Variants in ZNF608 observed in about 807,000 individuals in gnomAD.
The protein encoded by ZNF608 is zinc finger protein 608.
In ZNF608, 12 loss-of-function variants were observed where a neutral mutation model predicts 109.0. The ratio of observed to expected loss-of-function variants is 0.11; its 90% CI spans 0.07 to 0.18. The LOEUF (loss-of-function observed/expected upper bound fraction) is 0.18, where lower values mean the gene tolerates loss of function less well. ZNF608 is among the 10% of genes least tolerant of loss of function. The pLI, the probability that ZNF608 is intolerant of heterozygous loss-of-function variation, is 1.00. For synonymous variants in ZNF608, 732 were observed against 717.4 expected (o/e 1.02, Z -0.33); for missense variants, 1,707 against 1,879.3 (o/e 0.91, Z 1.70).
At chr5:124,706,131 C>T (rs1321656840) in intron 2 of ZNF608, among the ~76,000 whole-genome samples, 1 of 152,148 alleles carries the variant, frequency 6.6e-6, no homozygotes, top group Non-Finnish European at 1.5e-5. Flanking sequence ...CAAAAAGTAG[C>T]GTGTTAATGG....
intron 2 of ZNF608, among the ~76,000 whole-genome samples, chr5:124,716,160 A>G (rs1005108878): frequency 1.9e-4 from 29 of 150,996 alleles, no homozygotes; most frequent in East Asian, 1.5e-3. Flanking sequence ...AAAAAAAAAA[A>G]AAAGAAAAGA....
At chr5:124,658,527 G>A (rs965074063) in intron 3 of ZNF608, among the ~76,000 whole-genome samples, 1 of 152,192 alleles carries the variant, frequency 6.6e-6, no homozygotes, top group South Asian at 2.1e-4. Flanking sequence ...GCATCACTCT[G>A]ATTTCTAATG....
intron 2 of ZNF608, among the ~76,000 whole-genome samples, chr5:124,705,510 T>C (rs2149856865): frequency 6.6e-6 from 1 of 152,314 alleles, no homozygotes; most frequent in African/African-American, 2.4e-5. Flanking sequence ...CAGTAAACAC[T>C]GGCTTAAAAG....
At chr5:124,733,212 T>G (rs1490736646) in intron 2 of ZNF608, among the ~76,000 whole-genome samples, 9 of 141,832 alleles carry the variant, frequency 6.3e-5, no homozygotes, top group Non-Finnish European at 1.2e-4. Context: ...TCTCTATCTC[T>G]CTCTCTTTTT....
chr5:124,661,437 C>T (rs1004720962), intron 3 of ZNF608, among the ~76,000 whole-genome samples: 4 of 151,586 alleles, frequency 2.6e-5, no homozygotes, highest in East Asian at 3.9e-4. Context: ...GGCTGCCTTC[C>T]CACCCTCCCC....
intron 3 of ZNF608, among the ~76,000 whole-genome samples, chr5:124,679,507 G>A (rs1752103645): frequency 6.7e-6 from 1 of 148,608 alleles, no homozygotes; most frequent in African/African-American, 2.5e-5. Context: ...AACAGCCAAT[G>A]TGCTGGGCAC....
At chr5:124,659,247 C>G (rs1751147397) in intron 3 of ZNF608, among the ~76,000 whole-genome samples, 1 of 151,982 alleles carries the variant, frequency 6.6e-6, no homozygotes, top group East Asian at 1.9e-4. Flanking sequence ...GAACAGCAAG[C>G]CAGACAAAAA....
intron 2 of ZNF608, among the ~76,000 whole-genome samples, chr5:124,724,304 A>T (rs1754052062): frequency 6.6e-6 from 1 of 152,104 alleles, no homozygotes; most frequent in East Asian, 1.9e-4. Context: ...TCTGGGGGGC[A>T]TAAGGGGGAA....
chr5:124,733,275 G>T (rs1748991826), intron 2 of ZNF608, among the ~76,000 whole-genome samples: 1 of 134,672 alleles, frequency 7.4e-6, no homozygotes, highest in Admixed American at 8.2e-5. Context: ...AGACTTCTAG[G>T]TTCTTCCATT....
intron 8 of ZNF608, among the ~76,000 whole-genome samples, chr5:124,640,093 T>A (rs1385213568): frequency 5.5e-4 from 83 of 152,132 alleles, no homozygotes; most frequent in Admixed American, 5.3e-3. Flanking sequence ...CTAGATGACA[T>A]CAACTAAAAA....
chr5:124,744,279 G>T lies in ZNF608; in HGVS notation c.711C>A (p.Gly237=), dbSNP rs1181255914. The change falls in exon 2 of 10, where the codon GGC becomes GGA. Residue 237 remains glycine (G), a synonymous_variant. Coordinates refer to ENST00000513986, the MANE Select transcript of ZNF608 (RefSeq NM_020747.3). This position sits in a 1 kb window ranked among gnomAD's most constrained non-coding sequence, Gnocchi z 4.5. The part of the protein sequence containing the change: ...SQAPSGGHLY[G]FGAKSNGGGA... ...CACCTCCATTGCTCTTGGCCCCAAA[G>T]CCATAGAGGTGCCCCCCGGAAGGGG... 3.7e-6 allele frequency: 6 copies of T among 1,613,846 alleles called. No homozygotes were observed. Among genetic ancestry groups the T allele is most frequent in the Non-Finnish European group, 5.1e-6 (6 of 1,179,982 alleles).
rs151074865 is a variant in ZNF608, at chr5:124,666,678, C to G, written c.1163-16981G>C. ...CTCAATGTGACTACTTTTATCACAA[C>G]TCAAATATCAAAATACAAACTGGGT... On this transcript the variant is annotated intron_variant, in intron 3 of 9. Transcript: ENST00000513986. Among the ~76,000 whole-genome samples, 102 of 151,026 alleles carry G rather than the reference C, an allele frequency of 6.8e-4. 1 individual carries two copies. Among genetic ancestry groups the G allele is most frequent in the African/African-American group, 2.3e-3 (93 of 41,056 alleles).
At chr5:124,654,031 T>C (rs527517107) in intron 3 of ZNF608, among the ~76,000 whole-genome samples, 1 of 152,270 alleles carries the variant, frequency 6.6e-6, no homozygotes, top group African/African-American at 2.4e-5. Context: ...AAGTTGTTCC[T>C]TGTGTTAAAC....
chr5:124,731,921 C>T (rs962560271), intron 2 of ZNF608, among the ~76,000 whole-genome samples: 1 of 152,140 alleles, frequency 6.6e-6, no homozygotes, highest in Non-Finnish European at 1.5e-5. Flanking sequence ...AGGAAAGAAT[C>T]AGGAATGAGC....
chr5:124,661,182 G>A (rs932504636), intron 3 of ZNF608, among the ~76,000 whole-genome samples: 2 of 152,162 alleles, frequency 1.3e-5, no homozygotes, highest in Non-Finnish European at 2.9e-5. Context: ...CTAAATCACT[G>A]AAGCCTCATC....
chr5:124,722,557 TATAAATAAACCC>T (rs1489604127), intron 2 of ZNF608, among the ~76,000 whole-genome samples: 1 of 149,058 alleles, frequency 6.7e-6, no homozygotes, highest in Non-Finnish European at 1.5e-5. Context: ...ATGATTTTTC[TATAAATAAACCC>T]TTAAAATACA....
chr5:124,664,060 T>G (rs1322061080), intron 3 of ZNF608, among the ~76,000 whole-genome samples: 1 of 152,194 alleles, frequency 6.6e-6, no homozygotes. Flanking sequence ...AGCTCATAAC[T>G]ACGATGGGCT....
Position 124,647,608 on chromosome 5 carries a change from C to T in ZNF608, c.2776G>A (p.Gly926Arg), listed in dbSNP as rs201515878. The change falls in exon 5 of 10, where the codon GGG becomes AGG. Residue 926 changes from glycine (G) to arginine (R), a missense_variant. Around this residue, in one of 7 missense-constraint regions of ZNF608, gnomAD observed 1,073 missense variants for 1,133.5 expected, o/e 0.95. Coordinates refer to ENST00000513986, the MANE Select transcript of ZNF608 (RefSeq NM_020747.3). ...MAPLHVLTQN[G>R]AESSAAKTSS... ...GTCTTTGCAGCTGAACTCTCTGCCC[C>T]ATTCTGGGTCAACACATGCAGAGGT... The T allele has an allele frequency of 3.7e-6, 6 of 1,614,130 alleles. No homozygotes were observed. The highest frequency in any genetic ancestry group is 3.3e-5 in the Admixed American group (2 of 60,012).
At chr5:124,729,821 A>G (rs1272314227) in intron 2 of ZNF608, among the ~76,000 whole-genome samples, 2 of 152,230 alleles carry the variant, frequency 1.3e-5, no homozygotes, top group Non-Finnish European at 2.9e-5. Flanking sequence ...AAATCTTCAC[A>G]TTCACTAAAT....
Sources: gnomAD v4.1 joint callset for allele counts (sites outside exome capture counted in the v4.1 genomes callset) on GRCh38, gnomAD v4.1.1 for gene constraint, gnomAD v4.1.1 regional missense constraint, Gnocchi (gnomAD v3.1) non-coding constraint, MANE v1.5 for transcripts, NCBI Gene and HGNC (gene_info 2026-07-23, HGNC 2026-07-21) for gene names.